LRRC4C: variants seen among roughly 807,000 people sequenced by gnomAD.
The protein encoded by LRRC4C is leucine-rich repeat-containing protein 4C.
A neutral mutation model predicts 33.6 loss-of-function variants in LRRC4C; 5 were observed. The observed-to-expected ratio is 0.15, with a 90% CI of 0.08 to 0.31. LRRC4C has a LOEUF of 0.31. LRRC4C is among the 10% of genes least tolerant of loss of function. The pLI is 1.00. For missense variants in LRRC4C, 560 were observed against 796.7 expected, an observed-to-expected ratio of 0.70 and a Z score of 3.58; for synonymous variants, 329 against 302.0, an observed-to-expected ratio of 1.09 and a Z score of -0.93.
chr11:40,631,509 C>T (rs989897313), intron 3 of LRRC4C, among the ~76,000 whole-genome samples: 2 of 151,794 alleles, frequency 1.3e-5, no homozygotes, highest in African/African-American at 4.9e-5. Flanking sequence ...ATTGCTTTAA[C>T]CTGCGAACTC....
At chr11:41,163,284 G>GTTTTTTTTCTTTTTTTTTTTTTTTTT (rs1944557446) in intron 1 of LRRC4C, among the ~76,000 whole-genome samples, 1 of 73,382 alleles carries the variant, frequency 1.4e-5, no homozygotes, top group African/African-American at 5.0e-5. Flanking sequence ...TACTGTAACT[G>GTTTTTTTTCTTTTTTTTTTTTTTTTT]TTTTTTTTTT....
chr11:40,889,349 C>T (rs1041097846), intron 2 of LRRC4C, among the ~76,000 whole-genome samples: 4 of 151,966 alleles, frequency 2.6e-5, no homozygotes, highest in Non-Finnish European at 4.4e-5. Flanking sequence ...AATAGCAAAT[C>T]TATTTGTTTA....
At chr11:41,061,517 G>A (rs917363665) in intron 1 of LRRC4C, among the ~76,000 whole-genome samples, 1 of 152,158 alleles carries the variant, frequency 6.6e-6, no homozygotes, top group Non-Finnish European at 1.5e-5. Context: ...CTGGGGGTGA[G>A]GGGAGGGAAT....
At chr11:40,514,120 T>C (rs961326017) in intron 3 of LRRC4C, among the ~76,000 whole-genome samples, 4 of 152,188 alleles carry the variant, frequency 2.6e-5, no homozygotes, top group Non-Finnish European at 5.9e-5. Flanking sequence ...CAAAACTATG[T>C]GATCCTTACA....
At chr11:40,283,897 T>G (rs553033541) in intron 4 of LRRC4C, among the ~76,000 whole-genome samples, 1 of 151,888 alleles carries the variant, frequency 6.6e-6, no homozygotes, top group East Asian at 1.9e-4. Flanking sequence ...AGAGACAGAT[T>G]TCTCCATGTT....
At chr11:40,636,655 C>T (rs1052701676) in intron 3 of LRRC4C, among the ~76,000 whole-genome samples, 3 of 152,080 alleles carry the variant, frequency 2.0e-5, no homozygotes, top group African/African-American at 7.2e-5. Context: ...CTACAGTATA[C>T]AACATGTAAC....
chr11:40,759,363 A>T (rs780999963), intron 2 of LRRC4C, among the ~76,000 whole-genome samples: 2 of 151,008 alleles, frequency 1.3e-5, no homozygotes, highest in African/African-American at 2.4e-5. Flanking sequence ...CCTCAGTGAT[A>T]ATTTAAGTGG....
chr11:40,334,576 C>A (rs1441486090), intron 3 of LRRC4C, among the ~76,000 whole-genome samples: 1 of 152,110 alleles, frequency 6.6e-6, no homozygotes, highest in Non-Finnish European at 1.5e-5. Context: ...TTGCAATAAT[C>A]AAATAATTCT....
intron 1 of LRRC4C, among the ~76,000 whole-genome samples, chr11:41,379,803 A>G (rs1177976645): frequency 6.6e-6 from 1 of 152,134 alleles, no homozygotes; most frequent in African/African-American, 2.4e-5. Flanking sequence ...GCATTGAAAT[A>G]ATTAAACAAG....
intron 2 of LRRC4C, among the ~76,000 whole-genome samples, chr11:40,746,706 G>C (rs1362294549): frequency 2.0e-5 from 3 of 152,042 alleles, no homozygotes; most frequent in Non-Finnish European, 4.4e-5. Context: ...TCAGGGCCTG[G>C]GGATTGCTCT....
chr11:40,780,585 G>T (rs997935223), intron 2 of LRRC4C, among the ~76,000 whole-genome samples: 1 of 152,074 alleles, frequency 6.6e-6, no homozygotes, highest in South Asian at 2.1e-4. Flanking sequence ...TGACATAGAG[G>T]AGGGTGTTTG....
At chr11:41,245,699 C>A (rs1948423871) in intron 1 of LRRC4C, among the ~76,000 whole-genome samples, 1 of 152,070 alleles carries the variant, frequency 6.6e-6, no homozygotes, top group South Asian at 2.1e-4. Context: ...AGTGTTTTAG[C>A]CCTGCTTGTG....
intron 2 of LRRC4C, among the ~76,000 whole-genome samples, chr11:40,834,888 A>G (rs144170569): frequency 1.3e-5 from 1 of 79,594 alleles, no homozygotes; most frequent in African/African-American, 3.4e-5. Context: ...AGACAGGCAG[A>G]CAGACAGACA....
chr11:41,339,601 CAG>C (rs1215921105), intron 1 of LRRC4C, among the ~76,000 whole-genome samples: 1 of 152,114 alleles, frequency 6.6e-6, no homozygotes, highest in Non-Finnish European at 1.5e-5. Context: ...TCCATGGGAA[CAG>C]GGGGTGAGAC....
At position 41,305,346 on chromosome 11, in the gene LRRC4C, G is replaced by A. The variant is rs1168090385; in HGVS notation, c.-496+154085C>T. Among the ~76,000 whole-genome samples, 3 of 52,612 alleles carry A rather than the reference G, an allele frequency of 5.7e-5. 1 individual carries two copies. The highest frequency in any genetic ancestry group is 1.3e-4 in the African/African-American group (3 of 23,606). The allele number at this position is 52,612 out of a possible 152,430, so 34.5% of individuals were successfully genotyped here. On this transcript the variant is annotated intron_variant, in intron 1 of 6. Transcript: ENST00000528697. ...AGGTGAGGGGCGCCTCTGCCCGGCC[G>A]TCCCTACTGGGAAGTGAGTAGCCCC...
chr11:41,113,770 C>T (rs1450622617), intron 1 of LRRC4C, among the ~76,000 whole-genome samples: 1 of 151,966 alleles, frequency 6.6e-6, no homozygotes, highest in Non-Finnish European at 1.5e-5. Context: ...AAGATTTATA[C>T]CTTATTGTTT....
At chr11:40,560,016 A>G (rs1957486390) in intron 3 of LRRC4C, among the ~76,000 whole-genome samples, 1 of 152,190 alleles carries the variant, frequency 6.6e-6, no homozygotes, top group African/African-American at 2.4e-5. Context: ...TTAGAGTAAC[A>G]GCAAAGACTG....
chr11:40,545,163 C>A (rs1956864546), intron 3 of LRRC4C, among the ~76,000 whole-genome samples: 1 of 152,000 alleles, frequency 6.6e-6, no homozygotes, highest in Non-Finnish European at 1.5e-5. Context: ...CTCTACAAAT[C>A]TAATTATTAT....
In LRRC4C at chr11:40,730,962, G is replaced by A. The variant is rs143438447; in HGVS notation, c.-406-82684C>T. On this transcript the variant is annotated intron_variant, in intron 2 of 6. Coordinates refer to ENST00000528697, the MANE Select transcript of LRRC4C (RefSeq NM_001258419.2). ...TGGGAGGTGTTTGTCTCAAGGGGGTGGAAATCTCATGGTGTGATCCACTTG... is the reference window on the plus strand; with the variant it reads ...TGGGAGGTGTTTGTCTCAAGGGGGTAGAAATCTCATGGTGTGATCCACTTG... Among the ~76,000 whole-genome samples, 210 of 152,276 alleles carry A rather than the reference G, an allele frequency of 1.4e-3. 5 individuals carry two copies. In the East Asian group the frequency reaches 0.035, roughly 25 times the overall value.
Sources: allele counts gnomAD v4.1 joint callset (sites outside exome capture counted in the v4.1 genomes callset), GRCh38; gene constraint gnomAD v4.1.1; transcripts MANE v1.5; gene names NCBI Gene and HGNC (gene_info 2026-07-23, HGNC 2026-07-21).